LYPLA1: variants seen among roughly 807,000 people sequenced by gnomAD.
LYPLA1 encodes the protein lysophospholipase 1.
A neutral mutation model predicts 34.0 loss-of-function variants in LYPLA1; 17 were observed. The observed-to-expected ratio is 0.50, with a 90% CI of 0.34 to 0.75. LYPLA1 has a LOEUF of 0.75. Among genes scored for constraint, LYPLA1 ranks in the 30% least tolerant of loss-of-function variants. The probability of loss-of-function intolerance (pLI) is 0.01; values close to 1 mark genes in which losing one functional copy is unlikely to be tolerated. For synonymous variants in LYPLA1, 98 were observed against 100.8 expected (o/e 0.97, Z 0.17); for missense variants, 203 against 288.8 (o/e 0.70, Z 2.15).
chr8:54,079,643 A>G (rs918265472), intron 2 of LYPLA1, among the ~76,000 whole-genome samples: 1 of 152,044 alleles, frequency 6.6e-6, no homozygotes. Flanking sequence ...ATATCTACTG[A>G]GAATACAAAA....
intron 2 of LYPLA1, among the ~76,000 whole-genome samples, chr8:54,089,900 T>C (rs145688624): frequency 3.4e-4 from 52 of 152,318 alleles, no homozygotes; most frequent in East Asian, 1.5e-3. Flanking sequence ...CCTGAAACTA[T>C]TGCTACGGAA....
At chr8:54,061,761 G>A (rs1378978241) in intron 5 of LYPLA1, among the ~76,000 whole-genome samples, 1 of 152,158 alleles carries the variant, frequency 6.6e-6, no homozygotes, top group African/African-American at 2.4e-5. Context: ...CAGGCTAGGT[G>A]ACACAGCAAG....
At chr8:54,094,954 T>G (rs1469734733) in intron 2 of LYPLA1, among the ~76,000 whole-genome samples, 1 of 152,032 alleles carries the variant, frequency 6.6e-6, no homozygotes, top group Admixed American at 6.6e-5. Flanking sequence ...CAAATGAGTA[T>G]CTACATAAGT....
rs185968259 is a variant in LYPLA1, at chr8:54,066,729, C to T, written c.102-916G>A. Among the ~76,000 whole-genome samples, 13 of 150,008 alleles carry T rather than the reference C, an allele frequency of 8.7e-5. No individual in the cohort carries two copies. The East Asian group carries it at 2.6e-3, about 30-fold the overall frequency. On this transcript the variant is annotated intron_variant, in intron 2 of 8. Transcript: ENST00000316963. ...CCAGGAGGTGGAGGCTGCAGTGAGCCGAGATCACGCCACTGCACTCCAGCC... is the reference window on the plus strand; with the variant it reads ...CCAGGAGGTGGAGGCTGCAGTGAGCTGAGATCACGCCACTGCACTCCAGCC...
At chr8:54,085,592 C>T (rs1376257430) in intron 2 of LYPLA1, among the ~76,000 whole-genome samples, 1 of 151,670 alleles carries the variant, frequency 6.6e-6, no homozygotes, top group East Asian at 1.9e-4. Flanking sequence ...GCCCTGCCGC[C>T]CCGTCTGGGA....
chr8:54,051,315 T>A, intron 7 of LYPLA1, 127 bp from the exon 8 acceptor site: 1 of 766,832 alleles, frequency 1.3e-6, no homozygotes, highest in Admixed American at 3.0e-5. Context: ...GCCAAAAAAA[T>A]AAAATTCCTT....
intron 2 of LYPLA1, among the ~76,000 whole-genome samples, chr8:54,086,055 T>C (rs1808736704): frequency 6.6e-6 from 1 of 152,150 alleles, no homozygotes; most frequent in Non-Finnish European, 1.5e-5. Context: ...GAAGTAGACA[T>C]AGGAGACTCC....
At chr8:54,084,513 G>C (rs1808561791) in intron 2 of LYPLA1, among the ~76,000 whole-genome samples, 1 of 152,074 alleles carries the variant, frequency 6.6e-6, no homozygotes. Context: ...GGAGGTAGCA[G>C]TGAGTTGAGA....
intron 2 of LYPLA1, among the ~76,000 whole-genome samples, chr8:54,068,381 A>C (rs1807236187): frequency 6.6e-6 from 1 of 152,218 alleles, no homozygotes; most frequent in Non-Finnish European, 1.5e-5. Context: ...ATTTGTATGG[A>C]AACTCAAGAG....
rs77882068 is a variant in LYPLA1 at position 54,090,509 on chromosome 8, A to C, written c.101+10399T>G. 2.3e-4 allele frequency among the ~76,000 whole-genome samples: 35 copies of C among 152,304 alleles called. No individual in the cohort carries two copies. In the East Asian group the frequency reaches 4.2e-3, roughly 18 times the overall value. On this transcript the variant is annotated intron_variant, in intron 2 of 8. Coordinates refer to ENST00000316963, the MANE Select transcript of LYPLA1 (RefSeq NM_006330.4). ...TCTACATACAAATGTTATGTTAAAG[A>C]ATTATTTCATCCCCATGTGACCATC...
intron 2 of LYPLA1, among the ~76,000 whole-genome samples, chr8:54,082,778 G>A (rs1428237230): frequency 6.6e-6 from 1 of 152,034 alleles, no homozygotes; most frequent in East Asian, 1.9e-4. Flanking sequence ...CCAGGCTAGA[G>A]TGCAGTGGCG....
chr8:54,067,998 A>G (rs1006538030), intron 2 of LYPLA1, among the ~76,000 whole-genome samples: 12 of 151,952 alleles, frequency 7.9e-5, no homozygotes, highest in Admixed American at 6.6e-5. Context: ...CCTGTTAAAT[A>G]CTTTTCTATT....
chr8:54,067,954 T>C lies in LYPLA1; in HGVS notation c.102-2141A>G, dbSNP rs540514521. 7.2e-5 allele frequency among the ~76,000 whole-genome samples: 11 copies of C among 152,300 alleles called. No individual in the cohort carries two copies. The East Asian group carries it at 9.6e-4, about 13-fold the overall frequency. ...CGTCTGCCTCAGCCTCCCAAAGTGC[T>C]GGAATTACAGGCGTGAGCCACCATG... On this transcript the variant is annotated intron_variant, in intron 2 of 8. Transcript: ENST00000316963.
chr8:54,052,503 CTG>C, intron 7 of LYPLA1, 150 bp downstream of exon 7: 1 of 587,044 alleles, frequency 1.7e-6, no homozygotes. Context: ...GATAGTAACT[CTG>C]TACCTTCTGC....
chr8:54,057,626 CACAG>C (rs1320815222), intron 5 of LYPLA1, among the ~76,000 whole-genome samples: 2 of 152,028 alleles, frequency 1.3e-5, no homozygotes, highest in Non-Finnish European at 2.9e-5. Context: ...AACTAACAGA[CACAG>C]ACAGTAGTAG....
intron 2 of LYPLA1, among the ~76,000 whole-genome samples, chr8:54,066,284 C>T (rs1807063246): frequency 6.6e-6 from 1 of 152,032 alleles, no homozygotes; most frequent in African/African-American, 2.4e-5. Context: ...AAAACAACAC[C>T]ATGAATCTAA....
At chr8:54,050,623 A>G (rs1262529528) in intron 8 of LYPLA1, among the ~76,000 whole-genome samples, 1 of 152,174 alleles carries the variant, frequency 6.6e-6, no homozygotes, top group African/African-American at 2.4e-5. Context: ...GTGCCTCCTA[A>G]GATAAAATTA....
chr8:54,085,648 G>A (rs1471710136), intron 2 of LYPLA1, among the ~76,000 whole-genome samples: 1 of 150,910 alleles, frequency 6.6e-6, no homozygotes, highest in Non-Finnish European at 1.5e-5. Context: ...TGGGAACTGA[G>A]GAGTGTCTCT....
intron 2 of LYPLA1, among the ~76,000 whole-genome samples, chr8:54,099,080 C>T (rs989332626): frequency 7.3e-5 from 11 of 150,922 alleles, no homozygotes; most frequent in African/African-American, 2.7e-4. Context: ...TAGTCTTCAC[C>T]ATTTTTACTT....
Sources: gnomAD v4.1 joint callset for allele counts (sites outside exome capture counted in the v4.1 genomes callset) on GRCh38, gnomAD v4.1.1 for gene constraint, MANE v1.5 for transcripts, NCBI Gene and HGNC (gene_info 2026-07-23, HGNC 2026-07-21) for gene names.